Variants in FHAD1 observed in about 807,000 individuals in gnomAD.
FHAD1 encodes the protein forkhead associated phosphopeptide binding domain 1.
FHAD1 carries 146 observed loss-of-function variants against 191.3 expected under a neutral mutation model. That is an observed-to-expected ratio of 0.76 (90% CI 0.67 to 0.88). The LOEUF (loss-of-function observed/expected upper bound fraction) is 0.88, where lower values mean the gene tolerates loss of function less well. FHAD1 is among the 40% of genes least tolerant of loss of function. The pLI is 0.00. For missense variants in FHAD1, 1,635 were observed against 1,785.8 expected (o/e 0.92, Z 1.52); for synonymous variants, 616 against 672.3 (o/e 0.92, Z 1.29).
chr1:15,380,305 G>A (rs1700609134), intron 28 of FHAD1, among the ~76,000 whole-genome samples: 1 of 152,094 alleles, frequency 6.6e-6, no homozygotes, highest in Non-Finnish European at 1.5e-5. Context: ...ATGTCTAGTA[G>A]CGTCTTTGCT....
Position 15,318,852 on chromosome 1 carries a change from T to G in FHAD1, c.1365+924T>G, listed in dbSNP as rs1476482693. On this transcript the variant is annotated intron_variant, in intron 10 of 33. Transcript: ENST00000688493. The surrounding 1 kb of genome is among the most constrained non-coding windows in gnomAD (Gnocchi z 4.1). ...ATTGAAGAGTTGTATAAAAGATGCT[T>G]ATGGATCACACATTTATTTTAATTT... 1.3e-5 allele frequency among the ~76,000 whole-genome samples: 2 copies of G among 152,206 alleles called. No individual in the cohort carries two copies. Among genetic ancestry groups the G allele is most frequent in the East Asian group, 3.8e-4 (2 of 5,198 alleles).
intron 3 of FHAD1, among the ~76,000 whole-genome samples, chr1:15,286,259 G>A (rs571784697): frequency 6.6e-6 from 1 of 152,222 alleles, no homozygotes; most frequent in South Asian, 2.1e-4. Flanking sequence ...TCCCAGCACT[G>A]TTGGAGGCTG....
intron 3 of FHAD1, among the ~76,000 whole-genome samples, chr1:15,288,551 G>A (rs759597938): frequency 4.6e-5 from 7 of 152,230 alleles, no homozygotes; most frequent in Non-Finnish European, 1.0e-4. Flanking sequence ...AAAGAGAAAA[G>A]GCTGTGGAGT....
At chr1:15,292,974 T>G (rs1443716885) in intron 4 of FHAD1, among the ~76,000 whole-genome samples, 1 of 152,202 alleles carries the variant, frequency 6.6e-6, no homozygotes, top group African/African-American at 2.4e-5. Context: ...TTAATTTCTG[T>G]TATTGAGCCC....
chr1:15,350,209 G>A (rs1288629034), intron 19 of FHAD1, among the ~76,000 whole-genome samples: 1 of 152,272 alleles, frequency 6.6e-6, no homozygotes, highest in Non-Finnish European at 1.5e-5. Context: ...AGACACCGCA[G>A]TGAGCAAGAC....
intron 33 of FHAD1, among the ~76,000 whole-genome samples, chr1:15,395,855 A>T (rs904708908): frequency 6.6e-6 from 1 of 152,084 alleles, no homozygotes; most frequent in African/African-American, 2.4e-5. Flanking sequence ...GTGGCCCAAG[A>T]CTATTCTTCT....
intron 19 of FHAD1, among the ~76,000 whole-genome samples, chr1:15,351,519 GC>G (rs1690850528): frequency 6.6e-6 from 1 of 152,078 alleles, no homozygotes; most frequent in South Asian, 2.1e-4. Context: ...TCTTTATACT[GC>G]CTCGGTTACA....
chr1:15,279,909 G>A (rs1472300351), intron 3 of FHAD1, among the ~76,000 whole-genome samples: 1 of 152,180 alleles, frequency 6.6e-6, no homozygotes, highest in East Asian at 1.9e-4. Flanking sequence ...AAAGCCCATG[G>A]CAAGAAAGCA....
intron 1 of FHAD1, among the ~76,000 whole-genome samples, chr1:15,250,923 A>G (rs1235857741): frequency 3.3e-5 from 5 of 152,186 alleles, no homozygotes; most frequent in African/African-American, 4.8e-5. Flanking sequence ...TAACAACACT[A>G]ATAAGAGTAG....
At chr1:15,371,855 G>A (rs529935997) in intron 26 of FHAD1, among the ~76,000 whole-genome samples, 51 of 152,302 alleles carry the variant, frequency 3.3e-4, no homozygotes, top group African/African-American at 8.4e-4. Context: ...CCCTCTCACC[G>A]CTGCTGAGCC....
intron 6 of FHAD1, among the ~76,000 whole-genome samples, chr1:15,303,940 T>TA (rs1191405175): frequency 6.6e-6 from 1 of 152,196 alleles, no homozygotes; most frequent in Non-Finnish European, 1.5e-5. Flanking sequence ...TGAAAGATGA[T>TA]ACTTTATAAC....
At chr1:15,365,439 C>T (rs1488037196) in intron 23 of FHAD1, among the ~76,000 whole-genome samples, 2 of 150,456 alleles carry the variant, frequency 1.3e-5, no homozygotes, top group Admixed American at 6.6e-5. Context: ...CTCAGCCTCC[C>T]GAGTAGCTGG....
chr1:15,391,376 C>T, intron 33 of FHAD1, 113 bp downstream of exon 33: 1 of 558,766 alleles, frequency 1.8e-6, no homozygotes, highest in Non-Finnish European at 2.9e-6. Context: ...AGTGCAGTGG[C>T]TAGTTCTGTG....
chr1:15,356,880 A>T (rs924128833), intron 20 of FHAD1, among the ~76,000 whole-genome samples: 1 of 152,078 alleles, frequency 6.6e-6, no homozygotes, highest in South Asian at 2.1e-4. Context: ...TCAAAAAAAA[A>T]AAAAAAATTG....
At chr1:15,237,956 T>TAGGA (rs1460651930) in intron 1 of FHAD1, among the ~76,000 whole-genome samples, 3 of 151,878 alleles carry the variant, frequency 2.0e-5, no homozygotes, top group Non-Finnish European at 4.4e-5. Flanking sequence ...ATGCCTAAGA[T>TAGGA]AGGAGCACTG....
chr1:15,338,256 C>T (rs1685076482), intron 14 of FHAD1, among the ~76,000 whole-genome samples: 1 of 152,220 alleles, frequency 6.6e-6, no homozygotes, highest in South Asian at 2.1e-4. Flanking sequence ...TTCAGTTTCA[C>T]TGGGCTAAAG....
chr1:15,323,521 C>T (rs1314275146), intron 10 of FHAD1, among the ~76,000 whole-genome samples: 1 of 152,198 alleles, frequency 6.6e-6, no homozygotes, highest in South Asian at 2.1e-4. Context: ...ACAGGTTGCT[C>T]TGGGTGTTTT....
chr1:15,385,972 G>A (rs1702006674), intron 31 of FHAD1, among the ~76,000 whole-genome samples: 2 of 152,206 alleles, frequency 1.3e-5, no homozygotes. Context: ...GGCCCAGGCT[G>A]TGCCCAATCT....
chr1:15,371,264 G>T (rs562525509), intron 26 of FHAD1, among the ~76,000 whole-genome samples: 1 of 152,306 alleles, frequency 6.6e-6, no homozygotes, highest in Admixed American at 6.5e-5. Context: ...CACACCAAAC[G>T]CCCTTGGACT....
Sources: allele counts gnomAD v4.1 joint callset (sites outside exome capture counted in the v4.1 genomes callset), GRCh38; gene constraint gnomAD v4.1.1; non-coding constraint Gnocchi (gnomAD v3.1); transcripts MANE v1.5; gene names NCBI Gene and HGNC (gene_info 2026-07-23, HGNC 2026-07-21).